RNF157: variants seen among roughly 807,000 people sequenced by gnomAD.
RNF157 encodes E3 ubiquitin ligase RNF157.
Under a neutral mutation model 88.3 loss-of-function variants are expected in RNF157, and 55 were observed. The ratio of observed to expected loss-of-function variants is 0.62; its 90% CI spans 0.50 to 0.78. RNF157 has a LOEUF of 0.78. Ranked by LOEUF, RNF157 falls within the 30% of genes least tolerant of loss-of-function variation. The probability of loss-of-function intolerance (pLI) is 0.00; values close to 1 mark genes in which losing one functional copy is unlikely to be tolerated. For missense variants in RNF157, 788 were observed against 860.8 expected, an observed-to-expected ratio of 0.92 and a Z score of 1.06; for synonymous variants, 334 against 341.2, an observed-to-expected ratio of 0.98 and a Z score of 0.23.
rs150428824 is a variant in RNF157 at position 76,232,339 on chromosome 17, G to C, written c.88+7814C>G. Among the ~76,000 whole-genome samples the C allele has an allele frequency of 3.1e-3, 470 of 152,024 alleles. 4 individuals carry two copies. The highest frequency in any genetic ancestry group is 0.011 in the African/African-American group (439 of 41,472). On this transcript the variant is annotated intron_variant, in intron 1 of 18. Transcript: ENST00000269391. ...GTAGGTCGACGCTGCAGGGAGCTATGATCGCACCACTGCACTCCAGCCTGA... is the reference window on the plus strand; with the variant it reads ...GTAGGTCGACGCTGCAGGGAGCTATCATCGCACCACTGCACTCCAGCCTGA...
At chr17:76,167,630 C>T (rs777425272) in intron 4 of RNF157, 21 bp downstream of exon 4, 1 of 1,613,736 alleles carries the variant, frequency 6.2e-7, no homozygotes, top group Non-Finnish European at 8.5e-7. Context: ...GGAAGTGGCT[C>T]TCCTGGTCTC....
Position 76,181,907 on chromosome 17 carries a change from C to CAA in RNF157, c.208-8119_208-8118dup, listed in dbSNP as rs36009510. Among the ~76,000 whole-genome samples, 262 of 75,860 alleles carry CAA rather than the reference C, an allele frequency of 3.5e-3. 2 individuals are homozygous for CAA. The South Asian group carries it at 0.037, about 11-fold the overall frequency. 49.8% of individuals were successfully genotyped at this position (75,860 alleles called of 152,430 possible). A position where few individuals can be genotyped will look rare whatever the true frequency, so the allele number is the denominator to read the frequency against. ...TGGGTGACCGAGTGAGACTCTGTCT[C>CAA]AAAAAAAAAAAAAAAAAAGAATAAA... On this transcript the variant is annotated intron_variant, in intron 2 of 18. Transcript: ENST00000269391.
rs568145992 is a variant in RNF157, at chr17:76,158,560, A to G, written c.1305-59T>C. 7 of 1,218,360 alleles carry G rather than the reference A, an allele frequency of 5.7e-6. No individual in the cohort carries two copies. In the East Asian group the frequency reaches 1.7e-4, roughly 29 times the overall value. 75.5% of individuals were successfully genotyped at this position (1,218,360 alleles called of 1,614,324 possible). ...AACGTCCATTTAAAGAACAGAACTTACTGCAAGGGGAGCTGAGGGGAAAAC... is the reference window on the plus strand; with the variant it reads ...AACGTCCATTTAAAGAACAGAACTTGCTGCAAGGGGAGCTGAGGGGAAAAC... On this transcript the variant is annotated intron_variant, in intron 12 of 18. Coordinates refer to ENST00000269391, the MANE Select transcript of RNF157 (RefSeq NM_052916.3).
chr17:76,205,316 T>C (rs1432995756), intron 2 of RNF157, among the ~76,000 whole-genome samples: 2 of 151,708 alleles, frequency 1.3e-5, no homozygotes, highest in Non-Finnish European at 2.9e-5. Flanking sequence ...TTTTTTTTTG[T>C]AGAGTCGGGG....
At chr17:76,156,426 C>T (rs1384042877) in intron 13 of RNF157, 105 bp from the exon 14 acceptor site, 20 of 1,541,712 alleles carry the variant, frequency 1.3e-5, no homozygotes, top group South Asian at 7.2e-5. Flanking sequence ...GGAGGAAAGG[C>T]GACACTGGGA....
chr17:76,178,661 T>C (rs958128647), intron 2 of RNF157, among the ~76,000 whole-genome samples: 1 of 152,248 alleles, frequency 6.6e-6, no homozygotes, highest in Non-Finnish European at 1.5e-5. Flanking sequence ...CCAGGCACTA[T>C]GCTGAGCTCT....
At chr17:76,216,742 T>C (rs2069895671) in intron 1 of RNF157, among the ~76,000 whole-genome samples, 1 of 151,864 alleles carries the variant, frequency 6.6e-6, no homozygotes, top group Non-Finnish European at 1.5e-5. Context: ...AATTAAAAAA[T>C]TAGCTGGGTA....
chr17:76,152,711 T>A (rs2068699355), intron 17 of RNF157: 1 of 446,332 alleles, frequency 2.2e-6, no homozygotes, highest in Admixed American at 3.5e-5. Flanking sequence ...ACAAGTCAGA[T>A]CACTGAGGAG....
At chr17:76,162,096 G>A (rs945116477) in intron 9 of RNF157, 94 bp from the exon 10 acceptor site, 5 of 1,308,502 alleles carry the variant, frequency 3.8e-6, no homozygotes, top group Non-Finnish European at 5.3e-6. Context: ...GCTAAGATAA[G>A]TAATAATTAC....
At chr17:76,181,953 AACAAAG>A (rs1304710005) in intron 2 of RNF157, among the ~76,000 whole-genome samples, 1 of 152,072 alleles carries the variant, frequency 6.6e-6, no homozygotes, top group Non-Finnish European at 1.5e-5. Context: ...ATTTTCAAAA[AACAAAG>A]ACATTTACCC....
At chr17:76,189,040 G>A (rs534902917) in intron 2 of RNF157, among the ~76,000 whole-genome samples, 1 of 152,240 alleles carries the variant, frequency 6.6e-6, no homozygotes, top group East Asian at 1.9e-4. Flanking sequence ...AATTTTCAAG[G>A]TCATGAAGAA....
intron 1 of RNF157, among the ~76,000 whole-genome samples, chr17:76,228,199 C>A (rs2145068881): frequency 6.6e-6 from 1 of 152,192 alleles, no homozygotes; most frequent in Non-Finnish European, 1.5e-5. Flanking sequence ...TATTCTGGAC[C>A]AGTACAACAC....
intron 3 of RNF157, among the ~76,000 whole-genome samples, chr17:76,169,849 G>T (rs530194481): frequency 4.3e-4 from 66 of 152,332 alleles, no homozygotes; most frequent in Admixed American, 1.1e-3. Context: ...CCAAAGTGCT[G>T]GGATTATAGG....
Position 76,146,459 on chromosome 17 carries a change from C to T in RNF157, c.1922-1106G>A, listed in dbSNP as rs1047297662. On this transcript the variant is annotated intron_variant, in intron 18 of 18. Transcript: ENST00000269391. The surrounding 1 kb of genome is among the most constrained non-coding windows in gnomAD (Gnocchi z 4.2). ...GCTCCTCCCTCCAGTGCCCTCCCTC[C>T]AGTGAGGCTAGGGCGCTCCTGCCTT... 1 of 985,630 alleles carries T rather than the reference C, an allele frequency of 1.0e-6. No individual in the cohort carries two copies. Among genetic ancestry groups the T allele is most frequent in the Non-Finnish European group, 1.2e-6 (1 of 830,062 alleles). The allele number at this position is 985,630 out of a possible 1,614,324, so 61.1% of individuals were successfully genotyped here.
intron 1 of RNF157, among the ~76,000 whole-genome samples, chr17:76,239,168 A>T (rs2054482379): frequency 6.6e-6 from 1 of 152,180 alleles, no homozygotes; most frequent in Admixed American, 6.5e-5. Context: ...TCATCCTCAG[A>T]AGTCTTGAGA....
chr17:76,190,298 C>G (rs77390005), intron 2 of RNF157, among the ~76,000 whole-genome samples: 1 of 151,856 alleles, frequency 6.6e-6, no homozygotes, highest in Non-Finnish European at 1.5e-5. Flanking sequence ...TCCTGAATAG[C>G]TAGGTCCACA....
chr17:76,156,391 A>AG, intron 13 of RNF157, 70 bp from the exon 14 acceptor site: 3 of 1,603,914 alleles, frequency 1.9e-6, no homozygotes, highest in Admixed American at 3.4e-5. Context: ...GGAAGGGGTC[A>AG]GGGCGGAGGT....
chr17:76,240,240 TGGCCGCTGCGGCTGCAGCCCC>T lies in RNF157; in HGVS notation c.-21_-1del. 2 of 1,310,826 alleles carry T rather than the reference TGGCCGCTGCGGCTGCAGCCCC, an allele frequency of 1.5e-6. No individual in the cohort carries two copies. The highest frequency in any genetic ancestry group is 2.0e-6 in the Non-Finnish European group (2 of 1,014,616). 81.2% of individuals were successfully genotyped at this position (1,310,826 alleles called of 1,614,324 possible). On this transcript the variant is annotated 5_prime_UTR_variant, in exon 1 of 19. Coordinates refer to ENST00000269391, the MANE Select transcript of RNF157 (RefSeq NM_052916.3). This position sits in a 1 kb window ranked among gnomAD's most constrained non-coding sequence, Gnocchi z 4.4. ...TGCTGCCGGCTCGTCAGGGCCCCCA[TGGCCGCTGCGGCTGCAGCCCC>T]GGCCCGGCCCCGGTGCCCGCGCCGC...
intron 2 of RNF157, among the ~76,000 whole-genome samples, chr17:76,186,940 A>AAAT (rs371921633): frequency 1.3e-4 from 19 of 140,898 alleles, no homozygotes; most frequent in Admixed American, 4.3e-4. Flanking sequence ...ACTCCGACTC[A>AAAT]AAATAAATAA....
Sources: allele counts gnomAD v4.1 joint callset (sites outside exome capture counted in the v4.1 genomes callset), GRCh38; gene constraint gnomAD v4.1.1; non-coding constraint Gnocchi (gnomAD v3.1); transcripts MANE v1.5; gene names NCBI Gene and HGNC (gene_info 2026-07-23, HGNC 2026-07-21).